ST18: variants seen among roughly 807,000 people sequenced by gnomAD.
The protein encoded by ST18 is ST18 C2H2C-type zinc finger transcription factor, also known as suppression of tumorigenicity 18 protein.
In ST18, 50 loss-of-function variants were observed where a neutral mutation model predicts 110.0. The ratio of observed to expected loss-of-function variants is 0.45; its 90% CI spans 0.36 to 0.58. The LOEUF (loss-of-function observed/expected upper bound fraction) is 0.58, where lower values mean the gene tolerates loss of function less well. Among genes scored for constraint, ST18 ranks in the 20% least tolerant of loss-of-function variants. The probability of loss-of-function intolerance (pLI) is 0.00; values close to 1 mark genes in which losing one functional copy is unlikely to be tolerated. For missense variants in ST18, 1,306 were observed against 1,280.1 expected (o/e 1.02, Z -0.31); for synonymous variants, 461 against 452.4 (o/e 1.02, Z -0.24).
chr8:52,233,533 C>T (rs1245906233), intron 2 of ST18, among the ~76,000 whole-genome samples: 1 of 152,046 alleles, frequency 6.6e-6, no homozygotes, highest in African/African-American at 2.4e-5. Flanking sequence ...AGTCAAGATC[C>T]TAATTGATCC....
At chr8:52,139,047 C>T (rs2131880333) in intron 17 of ST18, among the ~76,000 whole-genome samples, 1 of 152,176 alleles carries the variant, frequency 6.6e-6, no homozygotes, top group Non-Finnish European at 1.5e-5. Flanking sequence ...CTGATCCAAG[C>T]TAAGTCATCT....
chr8:52,373,896 C>T (rs2140675906), intron 2 of ST18, among the ~76,000 whole-genome samples: 1 of 152,274 alleles, frequency 6.6e-6, no homozygotes, highest in Non-Finnish European at 1.5e-5. Context: ...CAGGAGCACG[C>T]ATCTCAAGTG....
intron 2 of ST18, among the ~76,000 whole-genome samples, chr8:52,245,544 T>C (rs980815891): frequency 2.0e-5 from 3 of 152,148 alleles, no homozygotes; most frequent in Non-Finnish European, 2.9e-5. Flanking sequence ...TTTGTTTACC[T>C]TTAAATCTTG....
At position 52,329,570 on chromosome 8, in the gene ST18, C is replaced by G. The variant is rs1808181353; in HGVS notation, c.-465+79758G>C. On this transcript the variant is annotated intron_variant, in intron 2 of 25. Coordinates refer to ENST00000689386, the MANE Select transcript of ST18 (RefSeq NM_001352837.2). ...AGGAGTTCAAGACCAACATGGCCAA[C>G]ATGGCAAAACCCAGTCTCTACTAAA... is the stretch of plus-strand genomic sequence containing the variant. Among the ~76,000 whole-genome samples, 3 of 152,244 alleles carry G rather than the reference C, an allele frequency of 2.0e-5. No homozygotes were observed. In the South Asian group the frequency reaches 6.2e-4, roughly 32 times the overall value.
intron 2 of ST18, among the ~76,000 whole-genome samples, chr8:52,374,960 C>T (rs921975266): frequency 6.6e-6 from 1 of 152,188 alleles, no homozygotes; most frequent in Non-Finnish European, 1.5e-5. Context: ...AGACTCCACT[C>T]GTGCACTTAC....
chr8:52,167,364 T>G (rs1456717758), intron 10 of ST18, among the ~76,000 whole-genome samples: 1 of 152,208 alleles, frequency 6.6e-6, no homozygotes, highest in African/African-American at 2.4e-5. Context: ...CATTTCTTAT[T>G]GAAAGTCTAG....
At chr8:52,289,572 G>A (rs1019759754) in intron 2 of ST18, among the ~76,000 whole-genome samples, 2 of 152,172 alleles carry the variant, frequency 1.3e-5, no homozygotes, top group Non-Finnish European at 2.9e-5. Context: ...CCAGTGTCAT[G>A]AGGATTTTGA....
chr8:52,142,717 AT>A (rs2055656305), intron 17 of ST18, among the ~76,000 whole-genome samples: 1 of 152,298 alleles, frequency 6.6e-6, no homozygotes, highest in South Asian at 2.1e-4. Flanking sequence ...GTGTTATCTT[AT>A]TTTGTTTTTT....
At chr8:52,231,081 A>C (rs2091208867) in intron 2 of ST18, among the ~76,000 whole-genome samples, 1 of 152,206 alleles carries the variant, frequency 6.6e-6, no homozygotes, top group South Asian at 2.1e-4. Context: ...ACACAAAAAA[A>C]GTTGGACTTG....
intron 16 of ST18, among the ~76,000 whole-genome samples, chr8:52,147,673 G>A (rs2057704693): frequency 6.6e-6 from 1 of 151,888 alleles, no homozygotes; most frequent in Admixed American, 6.6e-5. Context: ...GAACCTGCAT[G>A]AAGCAGTTAT....
At chr8:52,152,888 T>C (rs1231747246) in intron 15 of ST18, among the ~76,000 whole-genome samples, 1 of 152,102 alleles carries the variant, frequency 6.6e-6, no homozygotes, top group Non-Finnish European at 1.5e-5. Context: ...GTCAGGAAAG[T>C]GATAATTATG....
chr8:52,134,595 A>G (rs1183541872), intron 19 of ST18, among the ~76,000 whole-genome samples: 1 of 129,134 alleles, frequency 7.7e-6, no homozygotes, highest in East Asian at 1.9e-4. Flanking sequence ...GAAAATAGGG[A>G]ACAAATTGCC....
intron 16 of ST18, among the ~76,000 whole-genome samples, chr8:52,147,498 A>G (rs1238604750): frequency 6.6e-6 from 1 of 152,122 alleles, no homozygotes; most frequent in Non-Finnish European, 1.5e-5. Flanking sequence ...ATGAGAACCT[A>G]TTTGAAGCAA....
At chr8:52,170,248 A>G (rs1484173441) in intron 10 of ST18, among the ~76,000 whole-genome samples, 7 of 152,144 alleles carry the variant, frequency 4.6e-5, no homozygotes, top group Non-Finnish European at 1.0e-4. Flanking sequence ...CGGATGGATC[A>G]TGTTCCAGAC....
chr8:52,221,123 CT>C (rs2086554050), intron 4 of ST18, among the ~76,000 whole-genome samples: 1 of 151,916 alleles, frequency 6.6e-6, no homozygotes, highest in African/African-American at 2.4e-5. Flanking sequence ...ATCTATCTAT[CT>C]ATCTATCTAT....
chr8:52,372,828 C>T (rs958383398), intron 2 of ST18, among the ~76,000 whole-genome samples: 2 of 152,038 alleles, frequency 1.3e-5, no homozygotes, highest in Non-Finnish European at 2.9e-5. Context: ...AATCGTATCC[C>T]CATTGTTAAG....
chr8:52,323,946 A>G (rs1805141024), intron 2 of ST18, among the ~76,000 whole-genome samples: 1 of 152,224 alleles, frequency 6.6e-6, no homozygotes, highest in African/African-American at 2.4e-5. Flanking sequence ...GAGCAGCCCC[A>G]ACATGTCAGG....
chr8:52,247,349 C>T (rs958543990), intron 2 of ST18, among the ~76,000 whole-genome samples: 2 of 151,992 alleles, frequency 1.3e-5, no homozygotes, highest in Non-Finnish European at 2.9e-5. Context: ...TTGCATAAAC[C>T]AAAAGTAATG....
chr8:52,250,445 C>CAAAAAAAAAAAAAAAAAAAAAAA (rs1159770176), intron 2 of ST18, among the ~76,000 whole-genome samples: 2 of 4,280 alleles, frequency 4.7e-4, no homozygotes, highest in African/African-American at 9.8e-4. Flanking sequence ...GCCTCAAAGG[C>CAAAAAAAAAAAAAAAAAAAAAAA]AAAAAAAAAA....
Sources: gnomAD v4.1 joint callset for allele counts (sites outside exome capture counted in the v4.1 genomes callset) on GRCh38, gnomAD v4.1.1 for gene constraint, MANE v1.5 for transcripts, NCBI Gene and HGNC (gene_info 2026-07-23, HGNC 2026-07-21) for gene names.